The following TFCP2 variants were observed in gnomAD, a reference collection of about 807,000 sequenced individuals.
TFCP2 encodes alpha-globin transcription factor CP2.
Under a neutral mutation model 73.4 loss-of-function variants are expected in TFCP2, and 33 were observed. The observed-to-expected ratio is 0.45, with a 90% confidence interval of 0.34 to 0.60. The LOEUF (loss-of-function observed/expected upper bound fraction) is 0.60, where lower values mean the gene tolerates loss of function less well. TFCP2 is among the 20% of genes least tolerant of loss of function. The probability of loss-of-function intolerance (pLI) is 0.01; values close to 1 mark genes in which losing one functional copy is unlikely to be tolerated. For missense variants in TFCP2, 352 were observed against 604.0 expected (o/e 0.58, Z 4.37); for synonymous variants, 193 against 211.6 (o/e 0.91, Z 0.76).
At chr12:51,149,024 CAAAA>C (rs60318954) in intron 1 of TFCP2, among the ~76,000 whole-genome samples, 1 of 38,014 alleles carries the variant, frequency 2.6e-5, no homozygotes, top group Non-Finnish European at 4.9e-5. Flanking sequence ...GACTCCATCT[CAAAA>C]AAAAAAAAAA....
chr12:51,109,082 G>C (rs752568156), intron 6 of TFCP2, 39 bp downstream of exon 6: 1 of 1,601,722 alleles, frequency 6.2e-7, no homozygotes, highest in Admixed American at 1.7e-5. Context: ...GAATGATAAG[G>C]TAAAAGAATC....
intron 8 of TFCP2, among the ~76,000 whole-genome samples, chr12:51,105,291 A>G (rs890333579): frequency 5.3e-5 from 8 of 151,660 alleles, no homozygotes; most frequent in Admixed American, 5.3e-4. Flanking sequence ...ACGGGGTTTC[A>G]CCATGTTGGC....
intron 1 of TFCP2, among the ~76,000 whole-genome samples, chr12:51,118,997 G>T (rs73105038): frequency 8.5e-5 from 13 of 152,320 alleles, no homozygotes; most frequent in Non-Finnish European, 1.3e-4. Flanking sequence ...GTGTTAAAGA[G>T]AATGTTTCTA....
At chr12:51,164,383 G>T (rs578186052) in intron 1 of TFCP2, among the ~76,000 whole-genome samples, 4 of 152,144 alleles carry the variant, frequency 2.6e-5, no homozygotes, top group Non-Finnish European at 5.9e-5. Context: ...CAGATCACAA[G>T]GTCAGGAGTT....
At chr12:51,130,711 G>C (rs1021884126) in intron 1 of TFCP2, among the ~76,000 whole-genome samples, 2 of 152,120 alleles carry the variant, frequency 1.3e-5, no homozygotes, top group African/African-American at 4.8e-5. Context: ...AACTGGCCAG[G>C]CACGATGGCT....
chr12:51,148,983 C>T (rs1389231773), intron 1 of TFCP2, among the ~76,000 whole-genome samples: 2 of 130,838 alleles, frequency 1.5e-5, no homozygotes, highest in Non-Finnish European at 3.1e-5. Flanking sequence ...CAAGACTGCG[C>T]TGCTGCACTC....
rs574828187 is a variant in TFCP2 at position 51,150,417 on chromosome 12, C to T, written c.122+21884G>A. Among the ~76,000 whole-genome samples, 32 of 147,762 alleles carry T rather than the reference C, an allele frequency of 2.2e-4. No individual in the cohort carries two copies. The South Asian group carries it at 5.8e-3, about 27-fold the overall frequency. ...TGGGCGACAGAGCGAGCCTCCATCTCGAAAAAAAAAGAAAAAAAATTTTTT... is the reference window on the plus strand; with the variant it reads ...TGGGCGACAGAGCGAGCCTCCATCTTGAAAAAAAAAGAAAAAAAATTTTTT... On this transcript the variant is annotated intron_variant, in intron 1 of 14. Coordinates refer to ENST00000257915, the MANE Select transcript of TFCP2 (RefSeq NM_005653.5).
chr12:51,147,138 T>C (rs1248019467), intron 1 of TFCP2, among the ~76,000 whole-genome samples: 1 of 152,098 alleles, frequency 6.6e-6, no homozygotes, highest in Admixed American at 6.6e-5. Context: ...AGGTCGGAAG[T>C]GCGAGACCAG....
chr12:51,162,427 T>TA (rs1941668105), intron 1 of TFCP2, among the ~76,000 whole-genome samples: 1 of 138,444 alleles, frequency 7.2e-6, no homozygotes, highest in South Asian at 2.2e-4. Context: ...GCCTGGGTGA[T>TA]AGAGCTAGAC....
chr12:51,165,119 C>A (rs1356003844), intron 1 of TFCP2, among the ~76,000 whole-genome samples: 1 of 152,130 alleles, frequency 6.6e-6, no homozygotes, highest in African/African-American at 2.4e-5. Flanking sequence ...CTTTGGGAGG[C>A]TGAGGCAGGA....
chr12:51,163,830 A>C (rs961015072), intron 1 of TFCP2, among the ~76,000 whole-genome samples: 2 of 152,170 alleles, frequency 1.3e-5, no homozygotes, highest in African/African-American at 4.8e-5. Flanking sequence ...TCAGACCTTA[A>C]GGAACTAGAA....
intron 1 of TFCP2, among the ~76,000 whole-genome samples, chr12:51,127,925 CTT>C (rs11421627): frequency 6.8e-6 from 1 of 146,266 alleles, no homozygotes. Context: ...ATTTTCTTTT[CTT>C]TTTTTTTTTT....
chr12:51,138,788 G>A (rs56729853), intron 1 of TFCP2, among the ~76,000 whole-genome samples: 10,874 of 152,016 alleles, frequency 0.072, 663 homozygotes, highest in East Asian at 0.18. Flanking sequence ...ACAGGTGTGC[G>A]CCACCACACC....
chr12:51,120,202 GAACAAC>G (rs1382057934), intron 1 of TFCP2, among the ~76,000 whole-genome samples: 1 of 80,854 alleles, frequency 1.2e-5, no homozygotes, highest in East Asian at 3.1e-4. Context: ...AAAAAAAAAA[GAACAAC>G]AACAACAACA....
chr12:51,110,008 G>A (rs184827029), intron 5 of TFCP2, among the ~76,000 whole-genome samples: 5 of 151,810 alleles, frequency 3.3e-5, no homozygotes, highest in Admixed American at 3.3e-4. Flanking sequence ...TGTGAGCCAC[G>A]GCACCCAGCC....
chr12:51,128,764 G>A (rs1940872723), intron 1 of TFCP2, among the ~76,000 whole-genome samples: 1 of 152,176 alleles, frequency 6.6e-6, no homozygotes, highest in African/African-American at 2.4e-5. Context: ...GTATGCAACA[G>A]GGGCCCAGAG....
chr12:51,115,348 C>T (rs1249334139), intron 4 of TFCP2, among the ~76,000 whole-genome samples: 1 of 152,098 alleles, frequency 6.6e-6, no homozygotes, highest in African/African-American at 2.4e-5. Context: ...TCTCGATTTC[C>T]TGACCTCATG....
intron 9 of TFCP2, 137 bp from the exon 10 acceptor site, chr12:51,103,900 T>C: frequency 2.7e-6 from 2 of 747,628 alleles, no homozygotes; most frequent in East Asian, 2.6e-5. Context: ...TCTCCAACCA[T>C]GCAAGATGCT....
At chr12:51,111,409 G>A (rs1159375008) in intron 4 of TFCP2, among the ~76,000 whole-genome samples, 2 of 152,030 alleles carry the variant, frequency 1.3e-5, no homozygotes, top group Non-Finnish European at 2.9e-5. Context: ...GCCTCCTAAA[G>A]TGCTGGGATT....
Sources: gnomAD v4.1 joint callset for allele counts (sites outside exome capture counted in the v4.1 genomes callset) on GRCh38, gnomAD v4.1.1 for gene constraint, MANE v1.5 for transcripts, NCBI Gene and HGNC (gene_info 2026-07-23, HGNC 2026-07-21) for gene names.